The following HHAT variants were observed in gnomAD, a reference collection of about 807,000 sequenced individuals.
HHAT encodes the protein hedgehog acyltransferase, also known as protein-cysteine N-palmitoyltransferase HHAT.
HHAT carries 47 observed loss-of-function variants against 70.8 expected under a neutral mutation model. The ratio of observed to expected loss-of-function variants is 0.66; its 90% CI spans 0.53 to 0.85. The LOEUF (loss-of-function observed/expected upper bound fraction) is 0.85, where lower values mean the gene tolerates loss of function less well. Ranked by LOEUF, HHAT falls within the 40% of genes least tolerant of loss-of-function variation. The pLI is 0.00. For synonymous variants in HHAT, 228 were observed against 247.6 expected (o/e 0.92, Z 0.74); for missense variants, 609 against 604.8 (o/e 1.01, Z -0.07).
At chr1:210,559,708 A>G (rs2095603970) in intron 9 of HHAT, among the ~76,000 whole-genome samples, 1 of 152,186 alleles carries the variant, frequency 6.6e-6, no homozygotes, top group African/African-American at 2.4e-5. Flanking sequence ...TCAGAACAGG[A>G]TTTTATTGTG....
At chr1:210,407,229 A>C (rs577175494) in intron 6 of HHAT, among the ~76,000 whole-genome samples, 29 of 152,326 alleles carry the variant, frequency 1.9e-4, no homozygotes, top group South Asian at 8.3e-4. Flanking sequence ...GTGGAGAAAG[A>C]AAGCTAGTTG....
intron 8 of HHAT, among the ~76,000 whole-genome samples, chr1:210,485,840 T>C (rs2148499094): frequency 6.6e-6 from 1 of 152,204 alleles, no homozygotes; most frequent in East Asian, 1.9e-4. Flanking sequence ...TACATGGAAA[T>C]TATGGGAGTA....
chr1:210,586,152 T>C (rs1430423838), intron 9 of HHAT, among the ~76,000 whole-genome samples: 1 of 152,154 alleles, frequency 6.6e-6, no homozygotes, highest in African/African-American at 2.4e-5. Flanking sequence ...CCTATACAGT[T>C]GTTCTATTAA....
rs139933566 is a variant in HHAT at position 210,539,932 on chromosome 1, C to T, written c.1043+26744C>T. Among the ~76,000 whole-genome samples the T allele has an allele frequency of 4.5e-3, 680 of 152,322 alleles. 4 individuals are homozygous for T. Among genetic ancestry groups the T allele is most frequent in the African/African-American group, 0.016 (657 of 41,568 alleles). ...CTCAGATCATCAAGGGCTTATGAAG[C>T]ATGCCACCTGGCAGCCTTTAATTGA... On this transcript the variant is annotated intron_variant, in intron 9 of 11. Transcript: ENST00000261458.
At chr1:210,347,782 G>T (rs182498667) in intron 1 of HHAT, among the ~76,000 whole-genome samples, 2 of 152,098 alleles carry the variant, frequency 1.3e-5, no homozygotes, top group African/African-American at 4.8e-5. Context: ...GGGACTGAGA[G>T]GCCTCTGTCT....
At chr1:210,601,342 G>A (rs1364006238) in intron 10 of HHAT, among the ~76,000 whole-genome samples, 1 of 152,102 alleles carries the variant, frequency 6.6e-6, no homozygotes, top group Non-Finnish European at 1.5e-5. Context: ...TTCGTTAGGG[G>A]TCAGTAGTCC....
chr1:210,404,546 G>T lies in HHAT; in HGVS notation c.551G>T (p.Ser184Ile), dbSNP rs1206506032. 3 of 1,613,840 alleles carry T rather than the reference G, an allele frequency of 1.9e-6. No individual in the cohort carries two copies. The highest frequency in any genetic ancestry group is 2.5e-6 in the Non-Finnish European group (3 of 1,179,958). Residue 184 changes from serine (S) to isoleucine (I), a missense_variant, in exon 6 of 12, where the codon AGC (serine) becomes ATC (isoleucine). Coordinates refer to ENST00000261458, the MANE Select transcript of HHAT (RefSeq NM_018194.6). The stretch of plus-strand genomic sequence containing the variant: ...CGCTGCCTGTACTACACCAGCTTCA[G>T]CCTGGAGCTCTGCTGGCAGCAGCTG... ...TVRCLYYTSF[S>I]LELCWQQLPA...
chr1:210,521,993 T>C (rs2095165915), intron 9 of HHAT, among the ~76,000 whole-genome samples: 1 of 152,244 alleles, frequency 6.6e-6, no homozygotes, highest in South Asian at 2.1e-4. Flanking sequence ...TATGGATGTA[T>C]TTTTAAACAC....
intron 8 of HHAT, among the ~76,000 whole-genome samples, chr1:210,473,537 C>G (rs1280586207): frequency 6.6e-6 from 1 of 152,112 alleles, no homozygotes; most frequent in Non-Finnish European, 1.5e-5. Context: ...GAGTCACTGA[C>G]TGGGTGAATG....
intron 11 of HHAT, among the ~76,000 whole-genome samples, chr1:210,662,233 G>C (rs1205294898): frequency 6.6e-6 from 1 of 152,140 alleles, no homozygotes; most frequent in Admixed American, 6.5e-5. Context: ...GCCTTCGGTG[G>C]CACCTTCACA....
intron 6 of HHAT, among the ~76,000 whole-genome samples, chr1:210,416,615 G>A (rs144972694): frequency 7.1e-4 from 108 of 152,256 alleles, no homozygotes; most frequent in African/African-American, 2.6e-3. Flanking sequence ...CACAGAACTG[G>A]GCTTTAAAAA....
At chr1:210,594,344 C>T (rs144116748) in intron 10 of HHAT, among the ~76,000 whole-genome samples, 76 of 152,112 alleles carry the variant, frequency 5.0e-4, no homozygotes, top group Admixed American at 3.9e-4. Flanking sequence ...GAAATTACCA[C>T]GAGGCTTGCA....
intron 7 of HHAT, among the ~76,000 whole-genome samples, chr1:210,427,783 G>C (rs1212886635): frequency 6.6e-6 from 1 of 152,032 alleles, no homozygotes; most frequent in Non-Finnish European, 1.5e-5. Context: ...GTTGTTTTTG[G>C]GCGGAAAGTT....
At chr1:210,419,293 C>T (rs770062096) in intron 7 of HHAT, among the ~76,000 whole-genome samples, 1 of 152,144 alleles carries the variant, frequency 6.6e-6, no homozygotes, top group African/African-American at 2.4e-5. Context: ...CTTATCTACC[C>T]TTTCCTGTGT....
chr1:210,438,213 T>A lies in HHAT; in HGVS notation c.856+19888T>A, dbSNP rs143476258. On this transcript the variant is annotated intron_variant, in intron 7 of 11. Coordinates refer to ENST00000261458, the MANE Select transcript of HHAT (RefSeq NM_018194.6). ...GTGTGTGTATACACATGTGTATGTA[T>A]CCATTGATAATGGAATGCTTCCTGA... 4.0e-3 allele frequency among the ~76,000 whole-genome samples: 609 copies of A among 151,880 alleles called. 4 individuals carry two copies. Among genetic ancestry groups the A allele is most frequent in the Non-Finnish European group, 7.0e-3 (473 of 68,012 alleles).
At chr1:210,454,559 A>G (rs982103300) in intron 7 of HHAT, among the ~76,000 whole-genome samples, 12 of 152,298 alleles carry the variant, frequency 7.9e-5, no homozygotes, top group African/African-American at 2.9e-4. Flanking sequence ...GTCTCAAAAA[A>G]AAGCTCCCTT....
intron 6 of HHAT, among the ~76,000 whole-genome samples, chr1:210,412,525 T>C (rs1435925267): frequency 6.6e-6 from 1 of 152,146 alleles, no homozygotes; most frequent in Non-Finnish European, 1.5e-5. Flanking sequence ...GGATGGACAC[T>C]CCAATTCCAA....
intron 6 of HHAT, among the ~76,000 whole-genome samples, chr1:210,414,167 C>A (rs751137644): frequency 2.0e-5 from 3 of 152,200 alleles, no homozygotes; most frequent in Non-Finnish European, 2.9e-5. Flanking sequence ...TAGATTGGCA[C>A]CTTCTCACTG....
chr1:210,381,366 C>T (rs754980940), intron 3 of HHAT, among the ~76,000 whole-genome samples: 7 of 152,038 alleles, frequency 4.6e-5, no homozygotes, highest in Non-Finnish European at 8.8e-5. Flanking sequence ...CTGCAACCTC[C>T]ACCTCCCAGG....
Sources: gnomAD v4.1 joint callset for allele counts (sites outside exome capture counted in the v4.1 genomes callset) on GRCh38, gnomAD v4.1.1 for gene constraint, MANE v1.5 for transcripts, NCBI Gene and HGNC (gene_info 2026-07-23, HGNC 2026-07-21) for gene names.